FGF9: variants seen among roughly 807,000 people sequenced by gnomAD.
FGF9 encodes fibroblast growth factor 9.
In FGF9, 3 loss-of-function variants were observed where a neutral mutation model predicts 19.9. That is an observed-to-expected ratio of 0.15 (90% CI 0.07 to 0.39). The LOEUF (loss-of-function observed/expected upper bound fraction) is 0.39, where lower values mean the gene tolerates loss of function less well. FGF9 is among the 10% of genes least tolerant of loss of function. The pLI is 1.00. For synonymous variants in FGF9, 107 were observed against 106.9 expected, an observed-to-expected ratio of 1.00 and a Z score of -0.01; for missense variants, 175 against 256.8, an observed-to-expected ratio of 0.68 and a Z score of 2.18.
chr13:21,700,934 G>C (rs1350602976), intron 2 of FGF9, among the ~76,000 whole-genome samples: 3 of 152,162 alleles, frequency 2.0e-5, no homozygotes, highest in Non-Finnish European at 2.9e-5. Flanking sequence ...TTTCTCATGG[G>C]GGTTATATTG....
chr13:21,674,322 C>T (rs1225431704), intron 1 of FGF9: 5 of 151,814 alleles, frequency 3.3e-5, no homozygotes, highest in Non-Finnish European at 7.4e-5. Context: ...GGTCGGGGGC[C>T]CCTGGCCGGA....
At chr13:21,673,169 A>AGC (rs1871811665) in intron 1 of FGF9, among the ~76,000 whole-genome samples, 1 of 152,256 alleles carries the variant, frequency 6.6e-6, no homozygotes, top group Admixed American at 6.5e-5. Context: ...AAAAAAAATA[A>AGC]GCGCCAGTTT....
At chr13:21,673,895 C>G (rs1015983248) in intron 1 of FGF9, 5 of 151,632 alleles carry the variant, frequency 3.3e-5, no homozygotes, top group African/African-American at 1.2e-4. Context: ...GCTGCCCGGC[C>G]GGCTCCGCGC....
At chr13:21,687,546 G>A (rs530434370) in intron 2 of FGF9, among the ~76,000 whole-genome samples, 1 of 152,270 alleles carries the variant, frequency 6.6e-6, no homozygotes, top group South Asian at 2.1e-4. Flanking sequence ...TGACTGAGAC[G>A]AAGATGCTGC....
intron 2 of FGF9, among the ~76,000 whole-genome samples, chr13:21,692,535 C>T (rs748618047): frequency 9.9e-5 from 15 of 152,168 alleles, no homozygotes; most frequent in Non-Finnish European, 1.6e-4. Context: ...AGCCATGGGC[C>T]GTCTTCTCAC....
intron 2 of FGF9, among the ~76,000 whole-genome samples, chr13:21,694,171 C>T (rs1027240510): frequency 8.5e-5 from 13 of 152,102 alleles, no homozygotes; most frequent in Non-Finnish European, 2.9e-5. Context: ...CACAGTTACC[C>T]GAGTATGTGT....
chr13:21,694,517 C>T (rs2138144795), intron 2 of FGF9, among the ~76,000 whole-genome samples: 1 of 152,318 alleles, frequency 6.6e-6, no homozygotes, highest in South Asian at 2.1e-4. Flanking sequence ...CCTCTGTTGT[C>T]TGCCAATCTG....
At position 21,701,204 on chromosome 13, in the gene FGF9, A is replaced by G. The variant is rs1431212797; in HGVS notation, c.396A>G (p.Gln132=). The change falls in exon 3 of 3, where the codon CAA becomes CAG. Residue 132 remains glutamine, a synonymous_variant. Coordinates refer to ENST00000382353, the MANE Select transcript of FGF9 (RefSeq NM_002010.3). ...TCTTTTTACAGGAAAAACTAACCCA[A>G]GAGTGTGTATTCAGAGAACAGTTCG... ...GELYGSEKLT[Q]ECVFREQFEE... is the part of the protein sequence containing the mutation. The G allele has an allele frequency of 6.2e-7, 1 of 1,613,796 alleles. No individual in the cohort carries two copies. Among genetic ancestry groups the G allele is most frequent in the Admixed American group, 1.7e-5 (1 of 60,004 alleles).
At chr13:21,684,765 A>G (rs556410240) in intron 2 of FGF9, among the ~76,000 whole-genome samples, 9 of 152,320 alleles carry the variant, frequency 5.9e-5, no homozygotes, top group Non-Finnish European at 8.8e-5. Context: ...GATCCCAAGA[A>G]TTCTGTAGTT....
intron 2 of FGF9, among the ~76,000 whole-genome samples, chr13:21,681,572 A>G (rs992038122): frequency 6.6e-6 from 1 of 152,272 alleles, no homozygotes; most frequent in Non-Finnish European, 1.5e-5. Flanking sequence ...TATGCAGAGA[A>G]GAAGGGAGAT....
Position 21,671,443 on chromosome 13 carries a change from T to A in FGF9, c.-470T>A. The A allele has an allele frequency of 2.4e-6, 1 of 419,760 alleles. No homozygotes were observed. Among genetic ancestry groups the A allele is most frequent in the Non-Finnish European group, 4.2e-6 (1 of 238,636 alleles). 26.0% of individuals were successfully genotyped at this position (419,760 alleles called of 1,614,324 possible). On this transcript the variant is annotated 5_prime_UTR_variant, in exon 1 of 3. It removes an upstream start codon present in the reference 5' UTR. Coordinates refer to ENST00000382353, the MANE Select transcript of FGF9 (RefSeq NM_002010.3). ...TCGGTTAGAGAGTAAAAACAGCGCATGCCTTCCTGGAGTCAGGATCCGTAA... is the reference window on the plus strand; with the variant it reads ...TCGGTTAGAGAGTAAAAACAGCGCAAGCCTTCCTGGAGTCAGGATCCGTAA...
intron 1 of FGF9, among the ~76,000 whole-genome samples, chr13:21,674,648 G>A (rs1336060097): frequency 2.6e-5 from 4 of 151,962 alleles, no homozygotes; most frequent in East Asian, 3.9e-4. Flanking sequence ...GCCCTGGTGT[G>A]CAGAGATTAT....
intron 2 of FGF9, among the ~76,000 whole-genome samples, chr13:21,694,236 A>G (rs915182266): frequency 6.6e-6 from 1 of 152,194 alleles, no homozygotes. Flanking sequence ...TGCATCTTTT[A>G]GTTTTCAAAA....
At chr13:21,692,296 C>A (rs1175468152) in intron 2 of FGF9, among the ~76,000 whole-genome samples, 1 of 152,114 alleles carries the variant, frequency 6.6e-6, no homozygotes, top group African/African-American at 2.4e-5. Context: ...CCCCTTCTTT[C>A]GTTTTCCATG....
chr13:21,680,631 G>C (rs1252902263), intron 1 of FGF9, among the ~76,000 whole-genome samples: 2 of 152,172 alleles, frequency 1.3e-5, no homozygotes, highest in African/African-American at 4.8e-5. Context: ...CTCAAAATAA[G>C]AGAATCACAG....
rs956520938 is a variant in FGF9 at position 21,701,838 on chromosome 13, C to G, written c.*403C>G. The G allele has an allele frequency of 3.6e-5, 9 of 253,068 alleles. No homozygotes were observed. Among genetic ancestry groups the G allele is most frequent in the African/African-American group, 2.0e-4 (9 of 44,938 alleles). The allele number at this position is 253,068 out of a possible 1,614,324, so 15.7% of individuals were successfully genotyped here. On this transcript the variant is annotated 3_prime_UTR_variant, in exon 3 of 3. Coordinates refer to ENST00000382353, the MANE Select transcript of FGF9 (RefSeq NM_002010.3). Reference sequence around the variant, plus strand: ...CGCTTTTCATTTCTGATCAGTTGTACTTCATCCTATATCAGCACAGCTGCC... The same window carrying G: ...CGCTTTTCATTTCTGATCAGTTGTAGTTCATCCTATATCAGCACAGCTGCC...
rs905488788 is a variant in FGF9 at position 21,691,780 on chromosome 13, C to T, written c.382-9410C>T. ...TTGGTCAGAAACATCATTTGTCAGC[C>T]GGCTGGCCTGGTGTGCCTCAGTGGC... On this transcript the variant is annotated intron_variant, in intron 2 of 2. Coordinates refer to ENST00000382353, the MANE Select transcript of FGF9 (RefSeq NM_002010.3). This position sits in a 1 kb window ranked among gnomAD's most constrained non-coding sequence, Gnocchi z 4.2. 3.9e-5 allele frequency among the ~76,000 whole-genome samples: 6 copies of T among 152,288 alleles called. No homozygotes were observed. Among genetic ancestry groups the T allele is most frequent in the East Asian group, 1.9e-4 (1 of 5,178 alleles).
rs7999132 is a variant in FGF9 at position 21,673,134 on chromosome 13, C to G, written c.277+945C>G. Among the ~76,000 whole-genome samples the G allele has an allele frequency of 2.1e-3, 325 of 151,588 alleles. 3 individuals are homozygous for G. Among genetic ancestry groups the G allele is most frequent in the African/African-American group, 7.3e-3 (300 of 41,292 alleles). ...TAACACAGTCCCAATTGGGTGGACTCTTGAGTTTTTTCCTTACTTAAAAAA... is the reference window on the plus strand; with the variant it reads ...TAACACAGTCCCAATTGGGTGGACTGTTGAGTTTTTTCCTTACTTAAAAAA... On this transcript the variant is annotated intron_variant, in intron 1 of 2. Coordinates refer to ENST00000382353, the MANE Select transcript of FGF9 (RefSeq NM_002010.3).
chr13:21,696,008 A>G (rs562659512), intron 2 of FGF9, among the ~76,000 whole-genome samples: 1 of 152,364 alleles, frequency 6.6e-6, no homozygotes, highest in East Asian at 1.9e-4. Context: ...TACGTTTTCA[A>G]TAACTATTAC....
Sources: allele counts gnomAD v4.1 joint callset (sites outside exome capture counted in the v4.1 genomes callset), GRCh38; gene constraint gnomAD v4.1.1; non-coding constraint Gnocchi (gnomAD v3.1); transcripts MANE v1.5; gene names NCBI Gene and HGNC (gene_info 2026-07-23, HGNC 2026-07-21).